GRK5: variants seen among roughly 807,000 people sequenced by gnomAD.
GRK5 encodes g protein-coupled receptor kinase GRK5.
A neutral mutation model predicts 78.4 loss-of-function variants in GRK5; 40 were observed. That is an observed-to-expected ratio of 0.51 (90% CI 0.40 to 0.66). GRK5 has a LOEUF of 0.66. Ranked by LOEUF, GRK5 falls within the 30% of genes least tolerant of loss-of-function variation. GRK5 has a pLI of 0.00. For missense variants in GRK5, 598 were observed against 759.9 expected, an observed-to-expected ratio of 0.79 and a Z score of 2.50; for synonymous variants, 289 against 296.8, an observed-to-expected ratio of 0.97 and a Z score of 0.27.
At chr10:119,292,413 T>G (rs1044436075) in intron 1 of GRK5, among the ~76,000 whole-genome samples, 5 of 152,152 alleles carry the variant, frequency 3.3e-5, no homozygotes, top group African/African-American at 1.2e-4. Flanking sequence ...GTTCATCTGC[T>G]CATTGCTTCT....
chr10:119,360,639 CTT>C (rs1851347417), intron 2 of GRK5, among the ~76,000 whole-genome samples: 1 of 151,838 alleles, frequency 6.6e-6, no homozygotes, highest in South Asian at 2.1e-4. Context: ...TGGGAAGAGA[CTT>C]GTGAGTGGGA....
intron 1 of GRK5, among the ~76,000 whole-genome samples, chr10:119,313,184 GAT>G (rs1850417992): frequency 8.1e-6 from 1 of 122,896 alleles, no homozygotes; most frequent in Non-Finnish European, 1.9e-5. Flanking sequence ...TGGTGATGGT[GAT>G]GATGATGGTG....
intron 1 of GRK5, among the ~76,000 whole-genome samples, chr10:119,241,362 C>G (rs1849022785): frequency 6.6e-6 from 1 of 152,156 alleles, no homozygotes; most frequent in Non-Finnish European, 1.5e-5. Flanking sequence ...TGCCAGATGG[C>G]CTTTAGTGCA....
intron 3 of GRK5, among the ~76,000 whole-genome samples, chr10:119,394,230 G>GTGTATCCATGTGTCTGTGTGT (rs1306168257): frequency 7.0e-6 from 1 of 143,110 alleles, no homozygotes; most frequent in Non-Finnish European, 1.5e-5. Context: ...GTGTGGGTGT[G>GTGTATCCATGTGTCTGTGTGT]GGTGTGTGGG....
At chr10:119,319,357 C>T (rs576594053) in intron 1 of GRK5, among the ~76,000 whole-genome samples, 1 of 152,376 alleles carries the variant, frequency 6.6e-6, no homozygotes, top group Non-Finnish European at 1.5e-5. Flanking sequence ...GTCCGCCTTT[C>T]TCCAGGTTTT....
intron 4 of GRK5, among the ~76,000 whole-genome samples, chr10:119,413,461 T>C (rs750937933): frequency 6.6e-6 from 1 of 151,696 alleles, no homozygotes; most frequent in Non-Finnish European, 1.5e-5. Context: ...ACCTACTATG[T>C]GCCAGGAACA....
chr10:119,331,951 A>G (rs1279039868), intron 2 of GRK5, among the ~76,000 whole-genome samples: 1 of 152,222 alleles, frequency 6.6e-6, no homozygotes, highest in Non-Finnish European at 1.5e-5. Context: ...GAATGCTTTT[A>G]TAGATAAAAT....
intron 1 of GRK5, among the ~76,000 whole-genome samples, chr10:119,218,554 T>C (rs1298456798): frequency 6.6e-6 from 1 of 152,208 alleles, no homozygotes; most frequent in Non-Finnish European, 1.5e-5. Flanking sequence ...CTGCTTGGTC[T>C]TAATGTTTTC....
chr10:119,226,258 G>A (rs1397269818), intron 1 of GRK5, among the ~76,000 whole-genome samples: 1 of 149,234 alleles, frequency 6.7e-6, no homozygotes, highest in Non-Finnish European at 1.5e-5. Context: ...GATTACAGGT[G>A]TGAGCCACTG....
intron 4 of GRK5, among the ~76,000 whole-genome samples, chr10:119,419,607 C>T (rs1205940923): frequency 6.6e-6 from 1 of 152,250 alleles, no homozygotes; most frequent in Non-Finnish European, 1.5e-5. Flanking sequence ...CTTGTTAGGG[C>T]TTTGCCCTTG....
At chr10:119,423,376 A>G in intron 5 of GRK5, 110 bp downstream of exon 5, 1 of 713,188 alleles carries the variant, frequency 1.4e-6, no homozygotes, top group East Asian at 2.5e-5. Flanking sequence ...CATGCCTGAC[A>G]GCTTCAGCCA....
chr10:119,396,141 C>A (rs1852048790), intron 3 of GRK5, among the ~76,000 whole-genome samples: 2 of 152,342 alleles, frequency 1.3e-5, no homozygotes, highest in Middle Eastern at 3.4e-3. Flanking sequence ...AGGCCAAGAG[C>A]TTGATCACTT....
chr10:119,230,830 C>CAAAAAA (rs5788332), intron 1 of GRK5, among the ~76,000 whole-genome samples: 1 of 61,522 alleles, frequency 1.6e-5, no homozygotes, highest in Non-Finnish European at 2.8e-5. Context: ...GACCCTATCT[C>CAAAAAA]AAAAAAAAAA....
At chr10:119,388,099 C>G (rs1003865958) in intron 3 of GRK5, among the ~76,000 whole-genome samples, 3 of 151,994 alleles carry the variant, frequency 2.0e-5, no homozygotes, top group Non-Finnish European at 4.4e-5. Context: ...ACTACAGGCG[C>G]AGGCCACCAT....
intron 2 of GRK5, among the ~76,000 whole-genome samples, chr10:119,362,500 A>C (rs1851382028): frequency 6.6e-6 from 1 of 152,268 alleles, no homozygotes. Flanking sequence ...TGTTGACTTC[A>C]GAGCCTTCCT....
chr10:119,354,347 G>C (rs1283553124), intron 2 of GRK5, among the ~76,000 whole-genome samples: 1 of 148,066 alleles, frequency 6.8e-6, no homozygotes, highest in African/African-American at 2.5e-5. Context: ...GTGTACATTA[G>C]ATCTCTAGAC....
intron 2 of GRK5, among the ~76,000 whole-genome samples, chr10:119,342,943 G>T (rs1851008283): frequency 6.6e-6 from 1 of 152,140 alleles, no homozygotes; most frequent in Non-Finnish European, 1.5e-5. Flanking sequence ...CAGGCAGGAG[G>T]GTCCTCAGCC....
chr10:119,278,519 C>T (rs4752270), intron 1 of GRK5, among the ~76,000 whole-genome samples: 151,925 of 152,186 alleles, frequency 1, 75,833 homozygotes, highest in Non-Finnish European at 1. Context: ...CCTCAGGGAT[C>T]ATTTCTGAGC....
chr10:119,434,666 T>C (rs1852885950), intron 8 of GRK5, among the ~76,000 whole-genome samples: 1 of 152,230 alleles, frequency 6.6e-6, no homozygotes, highest in Non-Finnish European at 1.5e-5. Context: ...TCCTGGCTGC[T>C]TTCATGGGCT....
Sources: gnomAD v4.1 joint callset for allele counts (sites outside exome capture counted in the v4.1 genomes callset) on GRCh38, gnomAD v4.1.1 for gene constraint, MANE v1.5 for transcripts, NCBI Gene and HGNC (gene_info 2026-07-23, HGNC 2026-07-21) for gene names.